METTL15: variants seen among roughly 807,000 people sequenced by gnomAD.
The protein encoded by METTL15 is methyltransferase 15, mitochondrial 12S rRNA N4-cytidine.
A neutral mutation model predicts 38.3 loss-of-function variants in METTL15; 34 were observed. The observed-to-expected ratio is 0.89, with a 90% confidence interval of 0.68 to 1.18. METTL15 has a LOEUF of 1.18. Among genes scored for constraint, METTL15 ranks in the 50% most tolerant of loss-of-function variants. The pLI is 0.00. For missense variants in METTL15, 438 were observed against 498.4 expected (o/e 0.88, Z 1.15); for synonymous variants, 162 against 170.9 (o/e 0.95, Z 0.41).
chr11:28,353,170 G>T (rs1467923829), intron 4 of METTL15, among the ~76,000 whole-genome samples: 3 of 152,138 alleles, frequency 2.0e-5, no homozygotes, highest in Admixed American at 2.0e-4. Context: ...AGGCCTAAAG[G>T]AGAAGAGCCC....
At chr11:28,204,320 T>G (rs981627254) in intron 3 of METTL15, among the ~76,000 whole-genome samples, 2 of 151,886 alleles carry the variant, frequency 1.3e-5, no homozygotes, top group Non-Finnish European at 2.9e-5. Context: ...CTTTCTCTCT[T>G]CAGAAAGAGC....
intron 3 of METTL15, among the ~76,000 whole-genome samples, chr11:28,117,732 C>T (rs1048398987): frequency 6.6e-6 from 1 of 152,132 alleles, no homozygotes; most frequent in Non-Finnish European, 1.5e-5. Flanking sequence ...AATGTTATTT[C>T]TTACCTTTTC....
intron 3 of METTL15, among the ~76,000 whole-genome samples, chr11:28,167,451 T>G (rs1434968017): frequency 6.6e-6 from 1 of 152,174 alleles, no homozygotes; most frequent in Non-Finnish European, 1.5e-5. Context: ...ATTCTCAATC[T>G]TGTTGCTGCT....
At chr11:28,285,586 T>C (rs1233353782) in intron 4 of METTL15, among the ~76,000 whole-genome samples, 1 of 152,118 alleles carries the variant, frequency 6.6e-6, no homozygotes, top group Non-Finnish European at 1.5e-5. Flanking sequence ...ACAAAGATAA[T>C]TTATGGGTTC....
chr11:28,241,680 C>T (rs572022310), intron 4 of METTL15, among the ~76,000 whole-genome samples: 6 of 151,724 alleles, frequency 4.0e-5, no homozygotes, highest in Admixed American at 2.0e-4. Flanking sequence ...GGAAGAGGTA[C>T]GGAGTTAGAA....
intron 3 of METTL15, among the ~76,000 whole-genome samples, chr11:28,140,247 G>T (rs1849653968): frequency 6.6e-6 from 1 of 152,178 alleles, no homozygotes; most frequent in Non-Finnish European, 1.5e-5. Context: ...TCTGCAGTTT[G>T]CAGCAACATC....
At chr11:28,220,195 G>A (rs59900513) in intron 4 of METTL15, among the ~76,000 whole-genome samples, 15,889 of 152,086 alleles carry the variant, frequency 0.1, 1,109 homozygotes, top group South Asian at 0.24. Flanking sequence ...TGTGGGAATC[G>A]AAGTCTCTTT....
At chr11:28,140,631 G>A (rs1849666022) in intron 3 of METTL15, among the ~76,000 whole-genome samples, 1 of 152,202 alleles carries the variant, frequency 6.6e-6, no homozygotes, top group South Asian at 2.1e-4. Context: ...TGACCAGGAA[G>A]AAATAGCCAT....
chr11:28,493,353 A>G (rs1244067811), intron 6 of METTL15, among the ~76,000 whole-genome samples: 5 of 152,104 alleles, frequency 3.3e-5, no homozygotes, highest in Admixed American at 6.5e-5. Flanking sequence ...GGGCCTGAAG[A>G]CTAAGAATGG....
At chr11:28,182,058 C>T (rs10835281) in intron 3 of METTL15, among the ~76,000 whole-genome samples, 151,719 of 152,290 alleles carry the variant, frequency 1, 75,581 homozygotes, top group Non-Finnish European at 1. Flanking sequence ...AATGTCTTCT[C>T]TTGAGAAGTG....
chr11:28,532,168 T>A, the METTL15 span, among the ~76,000 whole-genome samples: 1 of 152,110 alleles, frequency 6.6e-6, no homozygotes, highest in African/African-American at 2.4e-5. Flanking sequence ...TTTCAGGGAC[T>A]TATATTTTTG....
chr11:28,229,322 G>T (rs1434965705), intron 4 of METTL15, among the ~76,000 whole-genome samples: 1 of 151,880 alleles, frequency 6.6e-6, no homozygotes, highest in African/African-American at 2.4e-5. Context: ...AGATAGAACT[G>T]TTTAAGATTT....
intron 4 of METTL15, among the ~76,000 whole-genome samples, chr11:28,256,772 G>C (rs749423730): frequency 3.1e-4 from 47 of 151,456 alleles, no homozygotes; most frequent in Non-Finnish European, 5.9e-4. Flanking sequence ...TGCTTTTCTA[G>C]TTCTCTAAGA....
intron 5 of METTL15, among the ~76,000 whole-genome samples, chr11:28,363,089 C>A (rs984669624): frequency 6.6e-6 from 1 of 152,104 alleles, no homozygotes; most frequent in Non-Finnish European, 1.5e-5. Flanking sequence ...GATTTTATTT[C>A]CAGCTCTCTG....
chr11:28,462,796 C>T (rs1851227167), intron 6 of METTL15, among the ~76,000 whole-genome samples: 2 of 152,072 alleles, frequency 1.3e-5, no homozygotes, highest in South Asian at 4.1e-4. Context: ...GTTCCCAAAT[C>T]AAACTTGGTT....
At chr11:28,298,854 G>C (rs973293453) in intron 6 of METTL15, among the ~76,000 whole-genome samples, 2 of 151,966 alleles carry the variant, frequency 1.3e-5, no homozygotes, top group Non-Finnish European at 2.9e-5. Flanking sequence ...AAACAAAAAT[G>C]TGTTTTCATT....
chr11:28,342,652 T>A (rs1849962924), intron 3 of METTL15, among the ~76,000 whole-genome samples: 1 of 152,210 alleles, frequency 6.6e-6, no homozygotes, highest in African/African-American at 2.4e-5. Flanking sequence ...ATTTCTGTTA[T>A]TTATAACCAA....
At chr11:28,423,050 G>A (rs1025652807) in intron 5 of METTL15, among the ~76,000 whole-genome samples, 1 of 151,936 alleles carries the variant, frequency 6.6e-6, no homozygotes, top group Non-Finnish European at 1.5e-5. Flanking sequence ...GATATGAATA[G>A]ACATTTCTTA....
intron 6 of METTL15, among the ~76,000 whole-genome samples, chr11:28,479,057 T>TTGTGTGTG (rs71050961): frequency 1.1e-4 from 16 of 146,832 alleles, no homozygotes; most frequent in African/African-American, 3.0e-4. Context: ...TTATTTCTCT[T>TTGTGTGTG]TGTGTGTGTG....
Sources: gnomAD v4.1 joint callset for allele counts (sites outside exome capture counted in the v4.1 genomes callset) on GRCh38, gnomAD v4.1.1 for gene constraint, MANE v1.5 for transcripts, NCBI Gene and HGNC (gene_info 2026-07-23, HGNC 2026-07-21) for gene names.